Variants in ABCG1 observed in about 807,000 individuals in gnomAD.
The protein encoded by ABCG1 is ATP binding cassette subfamily G member 1.
In ABCG1, 29 loss-of-function variants were observed where a neutral mutation model predicts 69.2. The observed-to-expected ratio is 0.42, with a 90% CI of 0.31 to 0.57. ABCG1 has a LOEUF of 0.57. Ranked by LOEUF, ABCG1 falls within the 20% of genes least tolerant of loss-of-function variation. The pLI is 0.15. For synonymous variants in ABCG1, 370 were observed against 374.8 expected (o/e 0.99, Z 0.15); for missense variants, 718 against 898.1 (o/e 0.80, Z 2.56).
rs546870245 is a variant in ABCG1, at chr21:42,264,745, G to A, written c.287-6325G>A. On this transcript the variant is annotated intron_variant, in intron 2 of 14. Coordinates refer to ENST00000398449, the MANE Select transcript of ABCG1 (RefSeq NM_016818.3). ...CAGAGGAGAGAGGGAAGGAGGTGGGGGAGAGATGGCCACATGGGGAAAGGG... is the reference window on the plus strand; with the variant it reads ...CAGAGGAGAGAGGGAAGGAGGTGGGAGAGAGATGGCCACATGGGGAAAGGG... 4.6e-5 allele frequency among the ~76,000 whole-genome samples: 7 copies of A among 152,034 alleles called. No individual in the cohort carries two copies. The East Asian group carries it at 1.4e-3, about 29-fold the overall frequency.
intron 5 of ABCG1, among the ~76,000 whole-genome samples, 182 bp from the exon 6 acceptor site, chr21:42,282,092 T>C (rs2068820280): frequency 6.6e-6 from 1 of 152,192 alleles, no homozygotes; most frequent in Non-Finnish European, 1.5e-5. Flanking sequence ...GATGTGGAAA[T>C]GGCACCTGCC....
At chr21:42,211,193 C>T (rs1284720343), upstream of ABCG1, among the ~76,000 whole-genome samples, 1 of 152,118 alleles carries the variant, frequency 6.6e-6, no homozygotes, top group Non-Finnish European at 1.5e-5. Flanking sequence ...CTCTTGACCT[C>T]CTGATCCGCC....
At chr21:42,262,576 G>A (rs225385) in intron 2 of ABCG1, among the ~76,000 whole-genome samples, 68,120 of 152,014 alleles carry the variant, frequency 0.45, 15,562 homozygotes, top group Middle Eastern at 0.59. Flanking sequence ...GCACAATTCT[G>A]GATTGAGCTG....
intron 2 of ABCG1, among the ~76,000 whole-genome samples, chr21:42,264,264 T>C (rs1278944437): frequency 6.6e-6 from 1 of 152,246 alleles, no homozygotes; most frequent in African/African-American, 2.4e-5. Flanking sequence ...GTTCTAAAAG[T>C]GGCTCATTCT....
At chr21:42,289,133 A>G (rs1439232578) in intron 10 of ABCG1, among the ~76,000 whole-genome samples, 3 of 152,162 alleles carry the variant, frequency 2.0e-5, no homozygotes, top group African/African-American at 7.2e-5. Flanking sequence ...TCTATTTGCA[A>G]TAGTCAGCGT....
At chr21:42,268,388 T>TGTGTGTGTGCGC (rs57264459) in intron 2 of ABCG1, among the ~76,000 whole-genome samples, 178 of 110,178 alleles carry the variant, frequency 1.6e-3, no homozygotes, top group African/African-American at 4.1e-3. Flanking sequence ...TGTGTGTGTG[T>TGTGTGTGTGCGC]GCGCGCGCGC....
chr21:42,276,702 GGCACCGTGGCTAGCT>G lies in ABCG1; in HGVS notation c.538-178_538-164del, dbSNP rs1192699081. The G allele has an allele frequency of 1.8e-5, 11 of 597,614 alleles. No individual in the cohort carries two copies. Among genetic ancestry groups the G allele is most frequent in the Middle Eastern group, 4.5e-4 (1 of 2,202 alleles). 37.0% of individuals were successfully genotyped at this position (597,614 alleles called of 1,614,324 possible). On this transcript the variant is annotated intron_variant, in intron 4 of 14. Transcript: ENST00000398449. The surrounding 1 kb of genome is among the most constrained non-coding windows in gnomAD (Gnocchi z 5.3). ...TGTGGATAGCTGCACCGTGACTAGT[GGCACCGTGGCTAGCT>G]GCACCGTGGCTAGCGGCATTGTGGC...
chr21:42,265,721 A>C (rs1052940968), intron 2 of ABCG1, among the ~76,000 whole-genome samples: 2 of 152,168 alleles, frequency 1.3e-5, no homozygotes, highest in Non-Finnish European at 2.9e-5. Context: ...TTGACTTCTC[A>C]GGCTTTCCAG....
At chr21:42,259,308 G>A (rs1216395510) in intron 2 of ABCG1, 1 of 1,538,376 alleles carries the variant, frequency 6.5e-7, no homozygotes, top group Non-Finnish European at 8.8e-7. Flanking sequence ...AAGTTTTGTT[G>A]CAGTAGCCAC....
intron 2 of ABCG1, among the ~76,000 whole-genome samples, chr21:42,209,732 G>A (rs965098843): frequency 6.6e-6 from 1 of 152,202 alleles, no homozygotes; most frequent in Non-Finnish European, 1.5e-5. Flanking sequence ...TAATAATAGT[G>A]AGCACCAGCA....
At position 42,288,058 on chromosome 21, in the gene ABCG1, A is replaced by G; in HGVS notation, c.1122+21A>G. The G allele has an allele frequency of 6.2e-7, 1 of 1,606,054 alleles. No homozygotes were observed. The highest frequency in any genetic ancestry group is 8.5e-7 in the Non-Finnish European group (1 of 1,174,094). On this transcript the variant is annotated intron_variant, in intron 9 of 14. Transcript: ENST00000398449. The surrounding 1 kb of genome is among the most constrained non-coding windows in gnomAD (Gnocchi z 4.8). ...AAGAGGTAAAGCAGACAAAACGATTAAAGGGGTTGAGAAAGGTAATGCAAA... is the reference window on the plus strand; with the variant it reads ...AAGAGGTAAAGCAGACAAAACGATTGAAGGGGTTGAGAAAGGTAATGCAAA...
Position 42,282,426 on chromosome 21 carries a change from C to T in ABCG1, c.734+7C>T. 1 of 1,608,788 alleles carries T rather than the reference C, an allele frequency of 6.2e-7. No individual in the cohort carries two copies. Among genetic ancestry groups the T allele is most frequent in the Non-Finnish European group, 8.5e-7 (1 of 1,176,156 alleles). On this transcript the variant is annotated splice_region_variant and intron_variant, in intron 6 of 14. Transcript: ENST00000398449. The stretch of plus-strand genomic sequence containing the variant: ...TCTTCGATGAGCCCACCAGGTAAGT[C>T]AGGAGCATCTGAGCTGGTGTCCAGG...
chr21:42,234,740 AG>A (rs2067951710), intron 2 of ABCG1, among the ~76,000 whole-genome samples: 1 of 152,190 alleles, frequency 6.6e-6, no homozygotes, highest in South Asian at 2.1e-4. Flanking sequence ...CTGTGGACGC[AG>A]GGTGACGTTC....
intron 2 of ABCG1, among the ~76,000 whole-genome samples, chr21:42,245,902 C>A (rs1269111712): frequency 6.6e-6 from 1 of 152,208 alleles, no homozygotes; most frequent in Non-Finnish European, 1.5e-5. Context: ...GGGCACCAGG[C>A]AGCAGAAAGT....
At chr21:42,292,133 C>A (rs2069074967) in intron 13 of ABCG1, among the ~76,000 whole-genome samples, 2 of 152,146 alleles carry the variant, frequency 1.3e-5, no homozygotes, top group South Asian at 4.1e-4. Flanking sequence ...GACCTGCCGC[C>A]CACATGCACC....
intron 2 of ABCG1, among the ~76,000 whole-genome samples, chr21:42,202,569 A>C (rs1601325635): frequency 2.1e-5 from 3 of 140,196 alleles, no homozygotes; most frequent in Non-Finnish European, 3.1e-5. Context: ...CAACTTAGTC[A>C]CCCCCATCTT....
Position 42,291,423 on chromosome 21 carries a change from T to C in ABCG1, c.1495-75T>C. 6.4e-7 allele frequency: 1 copy of C among 1,550,730 alleles called. No homozygotes were observed. The highest frequency in any genetic ancestry group is 2.3e-5 in the East Asian group (1 of 44,104). On this transcript the variant is annotated intron_variant, in intron 12 of 14. Transcript: ENST00000398449. The surrounding 1 kb of genome is among the most constrained non-coding windows in gnomAD (Gnocchi z 6.4). ...GCGGGAGCTGCGGGGAAGGGCTGGC[T>C]GCCCAGGAGCTTTGCTGTTGGCCTG...
rs76196128 is a variant in ABCG1 at position 42,244,146 on chromosome 21, A to C, written c.286+18232A>C. Among the ~76,000 whole-genome samples, 494 of 152,224 alleles carry C rather than the reference A, an allele frequency of 3.2e-3. 3 individuals are homozygous for C. The highest frequency in any genetic ancestry group is 0.011 in the African/African-American group (446 of 41,516). The stretch of plus-strand genomic sequence containing the variant: ...TCTTTGGCTTTAAAAAAATGTTTTA[A>C]ATTGCTCTTTTCTTGCTAAAACATC... On this transcript the variant is annotated intron_variant, in intron 2 of 14. Coordinates refer to ENST00000398449, the MANE Select transcript of ABCG1 (RefSeq NM_016818.3).
At chr21:42,205,018 G>GTTT (rs746194754) in intron 2 of ABCG1, among the ~76,000 whole-genome samples, 1 of 135,248 alleles carries the variant, frequency 7.4e-6, no homozygotes, top group African/African-American at 2.7e-5. Flanking sequence ...TGTTTTTGTT[G>GTTT]TTTTTTTTTT....
Sources: gnomAD v4.1 joint callset for allele counts (sites outside exome capture counted in the v4.1 genomes callset) on GRCh38, gnomAD v4.1.1 for gene constraint, Gnocchi (gnomAD v3.1) non-coding constraint, MANE v1.5 for transcripts, NCBI Gene and HGNC (gene_info 2026-07-23, HGNC 2026-07-21) for gene names.